Variants in RNF121 observed in about 807,000 individuals in gnomAD.
RNF121 encodes the protein ring finger protein 121, also known as E3 ubiquitin ligase RNF121.
Under a neutral mutation model 46.5 loss-of-function variants are expected in RNF121, and 21 were observed. The ratio of observed to expected loss-of-function variants is 0.45; its 90% CI spans 0.32 to 0.65. RNF121 has a LOEUF of 0.65. Ranked by LOEUF, RNF121 falls within the 30% of genes least tolerant of loss-of-function variation. The probability of loss-of-function intolerance (pLI) is 0.04; values close to 1 mark genes in which losing one functional copy is unlikely to be tolerated. For missense variants in RNF121, 346 were observed against 416.0 expected, an observed-to-expected ratio of 0.83 and a Z score of 1.46; for synonymous variants, 139 against 144.7, an observed-to-expected ratio of 0.96 and a Z score of 0.28.
At chr11:71,936,938 G>A (rs1418739403) in intron 1 of RNF121, among the ~76,000 whole-genome samples, 4 of 152,352 alleles carry the variant, frequency 2.6e-5, no homozygotes, top group South Asian at 4.1e-4. Flanking sequence ...AATGCTTGTA[G>A]ATGTGGATTC....
intron 5 of RNF121, among the ~76,000 whole-genome samples, chr11:71,988,822 C>T (rs868545366): frequency 2.0e-5 from 3 of 151,504 alleles, no homozygotes; most frequent in East Asian, 1.9e-4. Flanking sequence ...ACCCCCATCT[C>T]GAAAAAAATA....
intron 3 of RNF121, among the ~76,000 whole-genome samples, chr11:71,971,878 C>T (rs561784474): frequency 5.8e-4 from 88 of 152,154 alleles, no homozygotes; most frequent in African/African-American, 2.0e-3. Context: ...GCTGAGTCAG[C>T]GAATATACAC....
chr11:71,949,447 G>A (rs1239600397), intron 1 of RNF121, among the ~76,000 whole-genome samples: 1 of 152,112 alleles, frequency 6.6e-6, no homozygotes, highest in Non-Finnish European at 1.5e-5. Context: ...AGGCATGGTG[G>A]CTAATGCCCG....
intron 3 of RNF121, among the ~76,000 whole-genome samples, chr11:71,980,911 A>C (rs1954636631): frequency 6.6e-6 from 1 of 152,244 alleles, no homozygotes; most frequent in South Asian, 2.1e-4. Flanking sequence ...TATTGGAATA[A>C]ATAAAATATA....
At chr11:71,977,165 T>G (rs186997869) in intron 3 of RNF121, among the ~76,000 whole-genome samples, 56 of 152,328 alleles carry the variant, frequency 3.7e-4, no homozygotes, top group African/African-American at 1.2e-3. Flanking sequence ...GCTTATAGTT[T>G]CATTTCATCC....
In RNF121 at chr11:71,961,936, T is replaced by C. The variant is rs1399989237; in HGVS notation, c.243+1045T>C. On this transcript the variant is annotated intron_variant, in intron 3 of 8. Coordinates refer to ENST00000361756, the MANE Select transcript of RNF121 (RefSeq NM_018320.5). Reference sequence around the variant, plus strand: ...CTGTGCTTATATGTAGAAATATTTTTAATTATATAATTTTGGCTAATCTGC... The same window carrying C: ...CTGTGCTTATATGTAGAAATATTTTCAATTATATAATTTTGGCTAATCTGC... Among the ~76,000 whole-genome samples the C allele has an allele frequency of 2.0e-5, 3 of 151,554 alleles. No homozygotes were observed. The South Asian group carries it at 6.2e-4, about 31-fold the overall frequency.
chr11:71,991,939 T>TACAAAAAAATGAG (rs1400898600), intron 6 of RNF121, among the ~76,000 whole-genome samples: 1 of 147,362 alleles, frequency 6.8e-6, no homozygotes, highest in Non-Finnish European at 1.5e-5. Flanking sequence ...ACCCCATCTC[T>TACAAAAAAATGAG]ACAAAAAAAT....
chr11:71,957,731 T>C (rs535852036), intron 2 of RNF121, among the ~76,000 whole-genome samples: 30 of 152,246 alleles, frequency 2.0e-4, no homozygotes, highest in Admixed American at 1.8e-3. Flanking sequence ...GATGGGGAGC[T>C]CTGGTTAAGA....
chr11:71,973,815 C>A (rs556625271), intron 3 of RNF121, among the ~76,000 whole-genome samples: 4 of 151,880 alleles, frequency 2.6e-5, no homozygotes, highest in Non-Finnish European at 2.9e-5. Context: ...ACCAAAAAAA[C>A]CCCAAAAAAC....
intron 3 of RNF121, among the ~76,000 whole-genome samples, chr11:71,963,478 G>C (rs1012204901): frequency 6.6e-6 from 1 of 152,074 alleles, no homozygotes; most frequent in Non-Finnish European, 1.5e-5. Flanking sequence ...AAAATAGCTG[G>C]GCGTGGTGGC....
At chr11:71,941,857 C>T (rs576196741) in intron 1 of RNF121, among the ~76,000 whole-genome samples, 1 of 151,886 alleles carries the variant, frequency 6.6e-6, no homozygotes, top group South Asian at 2.1e-4. Flanking sequence ...GTCAGGGAGT[C>T]TGGCAAGGTC....
chr11:71,951,957 A>G (rs1224301539), intron 1 of RNF121, among the ~76,000 whole-genome samples: 2 of 152,328 alleles, frequency 1.3e-5, no homozygotes, highest in East Asian at 3.9e-4. Context: ...TGATCCAGCA[A>G]TTCTGCTTCT....
At chr11:71,992,322 T>A (rs1356434911) in intron 6 of RNF121, among the ~76,000 whole-genome samples, 1 of 152,210 alleles carries the variant, frequency 6.6e-6, no homozygotes, top group Non-Finnish European at 1.5e-5. Context: ...TACCAAAAAT[T>A]GGGGAAGCTT....
chr11:71,971,599 C>T (rs1193679393), intron 3 of RNF121, among the ~76,000 whole-genome samples: 1 of 151,812 alleles, frequency 6.6e-6, no homozygotes, highest in Non-Finnish European at 1.5e-5. Flanking sequence ...CAAAAGACAG[C>T]AACTCCAATA....
chr11:71,992,420 A>T (rs1433104104), intron 6 of RNF121, among the ~76,000 whole-genome samples: 1 of 152,122 alleles, frequency 6.6e-6, no homozygotes, highest in African/African-American at 2.4e-5. Context: ...TTGAGTCTTT[A>T]CTTAAGAGAC....
In RNF121 at chr11:71,966,870, GTT is replaced by G. The variant is rs11309406; in HGVS notation, c.243+5990_243+5991del. Among the ~76,000 whole-genome samples the G allele has an allele frequency of 5.0e-3, 650 of 130,876 alleles. 3 individuals carry two copies. Among genetic ancestry groups the G allele is most frequent in the African/African-American group, 0.017 (611 of 36,902 alleles). The allele number at this position is 130,876 out of a possible 152,430, so 85.9% of individuals were successfully genotyped here. On this transcript the variant is annotated intron_variant, in intron 3 of 8. Transcript: ENST00000361756. Reference sequence around the variant, plus strand: ...TAAATATAATATTTGTGGGTTTTTTGTTTTTTTTTTTTGAGACGGAATCTCAC... The same window carrying G: ...TAAATATAATATTTGTGGGTTTTTTGTTTTTTTTTTGAGACGGAATCTCAC...
intron 1 of RNF121, among the ~76,000 whole-genome samples, chr11:71,945,286 G>C (rs914265114): frequency 7.2e-5 from 11 of 152,172 alleles, no homozygotes; most frequent in Non-Finnish European, 1.5e-4. Context: ...AACATGTCTG[G>C]CCAAGATTCA....
intron 1 of RNF121, among the ~76,000 whole-genome samples, chr11:71,933,936 G>T (rs1167325914): frequency 6.6e-6 from 1 of 152,168 alleles, no homozygotes; most frequent in Non-Finnish European, 1.5e-5. Context: ...CGACATCCCC[G>T]TGAGAATTGA....
At chr11:71,936,843 A>G (rs764086034) in intron 1 of RNF121, among the ~76,000 whole-genome samples, 33 of 151,954 alleles carry the variant, frequency 2.2e-4, no homozygotes, top group African/African-American at 8.0e-4. Context: ...TGCAGGGACT[A>G]TTTTTCTCAT....
Sources: allele counts gnomAD v4.1 joint callset (sites outside exome capture counted in the v4.1 genomes callset), GRCh38; gene constraint gnomAD v4.1.1; transcripts MANE v1.5; gene names NCBI Gene and HGNC (gene_info 2026-07-23, HGNC 2026-07-21).